The following HOMER2 variants were observed in gnomAD, a reference collection of about 807,000 sequenced individuals.
HOMER2 encodes the protein homer protein homolog 2.
Under a neutral mutation model 47.0 loss-of-function variants are expected in HOMER2, and 27 were observed. That is an observed-to-expected ratio of 0.57 (90% confidence interval 0.42 to 0.79). HOMER2 has a LOEUF of 0.79. Ranked by LOEUF, HOMER2 falls within the 30% of genes least tolerant of loss-of-function variation. The probability of loss-of-function intolerance (pLI) is 0.00; values close to 1 mark genes in which losing one functional copy is unlikely to be tolerated. For synonymous variants in HOMER2, 161 were observed against 163.8 expected (o/e 0.98, Z 0.13); for missense variants, 443 against 435.0 (o/e 1.02, Z -0.16).
At chr15:82,834,817 T>C (rs2051105820), downstream of HOMER2, 2 of 152,198 alleles carry the variant, frequency 1.3e-5, no homozygotes, top group South Asian at 4.1e-4. Context: ...GGGCTGAAAG[T>C]TTTTAATAAA....
chr15:82,981,549 A>C (rs1461176919), intron 1 of HOMER2, among the ~76,000 whole-genome samples: 1 of 152,252 alleles, frequency 6.6e-6, no homozygotes, highest in African/African-American at 2.4e-5. Flanking sequence ...ACTTGAATAG[A>C]TATTTGTGTA....
intron 1 of HOMER2, among the ~76,000 whole-genome samples, chr15:82,983,703 C>T (rs2030476432): frequency 6.6e-6 from 1 of 151,988 alleles, no homozygotes; most frequent in Admixed American, 6.6e-5. Context: ...ATCCTCCCTG[C>T]CTCAGCTTCC....
chr15:82,900,488 T>A (rs903296472), intron 1 of HOMER2, among the ~76,000 whole-genome samples: 2 of 151,630 alleles, frequency 1.3e-5, no homozygotes, highest in African/African-American at 4.8e-5. Context: ...ACTGGAAAAC[T>A]CTATGTGAGG....
intron 1 of HOMER2, among the ~76,000 whole-genome samples, chr15:82,922,429 G>A (rs1374705867): frequency 6.6e-6 from 1 of 152,166 alleles, no homozygotes; most frequent in East Asian, 1.9e-4. Flanking sequence ...AAGCCTGCAT[G>A]ATACCTCCCT....
chr15:82,945,953 G>C (rs1352643294), intron 1 of HOMER2, among the ~76,000 whole-genome samples: 1 of 151,794 alleles, frequency 6.6e-6, no homozygotes, highest in Admixed American at 6.6e-5. Context: ...ATGGGCAACA[G>C]AGTGAGACTC....
chr15:82,863,650 C>T (rs2051866144), intron 4 of HOMER2, among the ~76,000 whole-genome samples: 1 of 152,184 alleles, frequency 6.6e-6, no homozygotes, highest in Admixed American at 6.5e-5. Context: ...GTGTTGATTT[C>T]AGATTAAAAT....
At chr15:82,912,498 C>T (rs2053479751) in intron 1 of HOMER2, among the ~76,000 whole-genome samples, 1 of 151,890 alleles carries the variant, frequency 6.6e-6, no homozygotes, top group Admixed American at 6.6e-5. Flanking sequence ...ATCTGATGGA[C>T]ATTAGGGTTG....
In HOMER2 at chr15:82,915,086, T is replaced by C. The variant is rs543156811; in HGVS notation, c.6-22245A>G. ...TACTGGGGAGGCTGAGGCAGGAGGA[T>C]CACTTGAGCCCAGGAATTCGAGGCT... On this transcript the variant is annotated intron_variant, in intron 1 of 8. Transcript: ENST00000450735. 2.7e-5 allele frequency among the ~76,000 whole-genome samples: 4 copies of C among 150,940 alleles called. No homozygotes were observed. In the South Asian group the frequency reaches 8.4e-4, roughly 32 times the overall value.
chr15:82,952,798 T>C (rs1596382250), upstream of HOMER2: 1 of 766,224 alleles, frequency 1.3e-6, no homozygotes, highest in Non-Finnish European at 1.6e-6. Flanking sequence ...GCCCGGCTCC[T>C]TACGTAACCT....
At chr15:82,946,398 T>C (rs1485734682) in intron 1 of HOMER2, among the ~76,000 whole-genome samples, 4 of 152,208 alleles carry the variant, frequency 2.6e-5, no homozygotes, top group African/African-American at 4.8e-5. Context: ...CCTCTTCACC[T>C]TCGTGCTCTC....
intron 1 of HOMER2, among the ~76,000 whole-genome samples, chr15:82,969,746 T>C (rs528707717): frequency 1.3e-5 from 2 of 152,146 alleles, no homozygotes; most frequent in South Asian, 2.1e-4. Context: ...ATTGAAACCA[T>C]AGTAATAAAC....
intron 4 of HOMER2, among the ~76,000 whole-genome samples, chr15:82,862,549 AAAAGAT>A (rs1367062836): frequency 2.6e-5 from 4 of 152,220 alleles, no homozygotes; most frequent in Non-Finnish European, 5.9e-5. Context: ...GGTATTCTGA[AAAAGAT>A]AGTATATTAG....
chr15:82,917,326 G>A (rs1342877780), intron 1 of HOMER2, among the ~76,000 whole-genome samples: 1 of 152,190 alleles, frequency 6.6e-6, no homozygotes, highest in African/African-American at 2.4e-5. Flanking sequence ...ATATCACCAA[G>A]GTGGCCTCAA....
chr15:82,860,952 A>AGAGAGAGAGAGAGAGAG (rs56193557), intron 4 of HOMER2, among the ~76,000 whole-genome samples: 2,720 of 104,552 alleles, frequency 0.026, 207 homozygotes, highest in Non-Finnish European at 0.038. Flanking sequence ...TAGAAGATAG[A>AGAGAGAGAGAGAGAGAG]AGATGAGAGA....
chr15:82,851,050 A>G, intron 8 of HOMER2, 101 bp downstream of exon 8: 2 of 801,172 alleles, frequency 2.5e-6, no homozygotes, highest in South Asian at 1.6e-5. Flanking sequence ...TCTCTCCTTC[A>G]GCATTCTCAG....
At chr15:82,850,562 T>C (rs1332751653) in intron 8 of HOMER2, among the ~76,000 whole-genome samples, 1 of 152,230 alleles carries the variant, frequency 6.6e-6, no homozygotes, top group Non-Finnish European at 1.5e-5. Flanking sequence ...CCTTTAACTC[T>C]TCATATCAAA....
chr15:82,979,918 G>C (rs1411937352), intron 1 of HOMER2, among the ~76,000 whole-genome samples: 1 of 152,078 alleles, frequency 6.6e-6, no homozygotes, highest in African/African-American at 2.4e-5. Flanking sequence ...TGGATGGCTG[G>C]AGATATCCAT....
chr15:82,910,078 A>G (rs1334101378), intron 1 of HOMER2, among the ~76,000 whole-genome samples: 1 of 141,582 alleles, frequency 7.1e-6, no homozygotes, highest in African/African-American at 2.7e-5. Context: ...AGTTGCAGTA[A>G]GCTGAGATCA....
At position 82,852,155 on chromosome 15, in the gene HOMER2, C is replaced by T. The variant is rs762360591; in HGVS notation, c.749G>A (p.Arg250Gln). ...ACCATTACTCACTGTCTCCTTTTCT[C>T]GGAGCTCTGCCTCCAGCTCCTCGAT... ...RRIEELEAEL[R>Q]EKETELKDLR... is the part of the protein sequence containing the mutation. Residue 250 changes from arginine to glutamine, a missense_variant, in exon 7 of 9, where the codon CGA becomes CAA. Coordinates refer to ENST00000450735, the MANE Select transcript of HOMER2 (RefSeq NM_004839.4). 53 of 1,612,902 alleles carry T rather than the reference C, an allele frequency of 3.3e-5. No homozygotes were observed. The highest frequency in any genetic ancestry group is 6.6e-5 in the South Asian group (6 of 91,054).
Sources: allele counts gnomAD v4.1 joint callset (sites outside exome capture counted in the v4.1 genomes callset), GRCh38; gene constraint gnomAD v4.1.1; transcripts MANE v1.5; gene names NCBI Gene and HGNC (gene_info 2026-07-23, HGNC 2026-07-21).